CGNL1: variants seen among roughly 807,000 people sequenced by gnomAD.
CGNL1 encodes cingulin like 1, also known as cingulin-like protein 1.
A neutral mutation model predicts 141.2 loss-of-function variants in CGNL1; 132 were observed. The ratio of observed to expected loss-of-function variants is 0.93; its 90% CI spans 0.81 to 1.08. CGNL1 has a LOEUF of 1.08. Ranked by LOEUF, CGNL1 falls within the 50% of genes least tolerant of loss-of-function variation. The pLI, the probability that CGNL1 is intolerant of heterozygous loss-of-function variation, is 0.00. For synonymous variants in CGNL1, 690 were observed against 622.1 expected (o/e 1.11, Z -1.63); for missense variants, 1,870 against 1,588.6 (o/e 1.18, Z -3.01).
Position 57,438,593 on chromosome 15 carries a change from C to T in CGNL1, c.594C>T (p.Ser198=). The T allele has an allele frequency of 6.2e-7, 1 of 1,613,750 alleles. No homozygotes were observed. The highest frequency in any genetic ancestry group is 2.2e-5 in the East Asian group (1 of 44,890). The part of the protein sequence containing the change: ...PWTCFPKPSN[S]QPTSPSLEDP... ...CTTGCTTTCCCAAACCTAGCAATTC[C>T]CAGCCTACCAGTCCCTCCTTGGAAG... Residue 198 remains serine (S), a synonymous_variant, in exon 2 of 19, where the codon TCC becomes TCT. Transcript: ENST00000281282.
intron 14 of CGNL1, among the ~76,000 whole-genome samples, chr15:57,542,135 G>A (rs2032599460): frequency 6.6e-6 from 1 of 152,184 alleles, no homozygotes; most frequent in African/African-American, 2.4e-5. Flanking sequence ...CCCAGTTCTT[G>A]CTCTCCATGG....
intron 1 of CGNL1, among the ~76,000 whole-genome samples, chr15:57,434,340 G>A (rs1479038288): frequency 6.6e-6 from 1 of 151,880 alleles, no homozygotes; most frequent in Non-Finnish European, 1.5e-5. Context: ...TTAAAAAGCA[G>A]GAGAGAAAAG....
chr15:57,438,120 G>C lies in CGNL1; in HGVS notation c.121G>C (p.Gly41Arg), dbSNP rs751116729. 3 of 1,614,004 alleles carry C rather than the reference G, an allele frequency of 1.9e-6. No individual in the cohort carries two copies. The highest frequency in any genetic ancestry group is 1.7e-5 in the Admixed American group (1 of 59,998). Residue 41 changes from glycine (G) to arginine (R), a missense_variant, in exon 2 of 19, where the codon GGT (glycine) becomes CGT (arginine). Coordinates refer to ENST00000281282, the MANE Select transcript of CGNL1 (RefSeq NM_032866.5). The stretch of plus-strand genomic sequence containing the variant: ...CCAGAACTCCAAGGCAGGCTCCTAC[G>C]GTGTCAGTATTCGGGTCCAGGGAAT... The part of the protein sequence containing the change: ...SSQNSKAGSY[G>R]VSIRVQGIDG...
At chr15:57,447,943 A>C (rs1383167844) in intron 4 of CGNL1, among the ~76,000 whole-genome samples, 8 of 151,784 alleles carry the variant, frequency 5.3e-5, no homozygotes, top group African/African-American at 1.9e-4. Flanking sequence ...TTACTTTAAG[A>C]CTTTCTCTTT....
chr15:57,504,906 G>A (rs2064079948), intron 8 of CGNL1, among the ~76,000 whole-genome samples: 1 of 152,218 alleles, frequency 6.6e-6, no homozygotes, highest in Admixed American at 6.5e-5. Flanking sequence ...TGTTTGGTCA[G>A]CACCCCAAGA....
intron 7 of CGNL1, among the ~76,000 whole-genome samples, chr15:57,454,145 A>G (rs890631141): frequency 9.9e-5 from 15 of 152,198 alleles, no homozygotes; most frequent in Admixed American, 3.9e-4. Context: ...ATTGAGGGTC[A>G]GAAAAAGACA....
In CGNL1 at chr15:57,438,424, T is replaced by C. The variant is rs1231519231; in HGVS notation, c.425T>C (p.Leu142Pro). The C allele has an allele frequency of 6.2e-7, 1 of 1,614,184 alleles. No individual in the cohort carries two copies. The highest frequency in any genetic ancestry group is 1.7e-5 in the Admixed American group (1 of 60,022). The change falls in exon 2 of 19, where the codon CTG becomes CCG. Residue 142 changes from leucine to proline, a missense_variant. Coordinates refer to ENST00000281282, the MANE Select transcript of CGNL1 (RefSeq NM_032866.5). The stretch of plus-strand genomic sequence containing the variant: ...GACGGGTCTGTGAAGCCATCTCACC[T>C]GCTGAACTTTCAGAGGCATCCAGAG... ...RKDGSVKPSH[L>P]LNFQRHPELL...
At chr15:57,493,578 G>C (rs1384074801) in intron 8 of CGNL1, among the ~76,000 whole-genome samples, 4 of 152,190 alleles carry the variant, frequency 2.6e-5, no homozygotes, top group Admixed American at 1.3e-4. Flanking sequence ...CATGATATCT[G>C]CTGTTTCTTT....
chr15:57,419,134 GT>G (rs1776227912), intron 1 of CGNL1, among the ~76,000 whole-genome samples: 1 of 152,114 alleles, frequency 6.6e-6, no homozygotes, highest in South Asian at 2.1e-4. Context: ...GTTTCACCAT[GT>G]TGGTCAGGCT....
In CGNL1 at chr15:57,439,445, C is replaced by T. The variant is rs149602673; in HGVS notation, c.1446C>T (p.Ile482=). 13 of 1,614,066 alleles carry T rather than the reference C, an allele frequency of 8.1e-6. No homozygotes were observed. In the African/African-American group the frequency reaches 1.5e-4, roughly 18 times the overall value. ...ETEGSQESTV[I]RAPSLGAQSK... ...AAGGTAGTCAGGAAAGTACAGTGAT[C>T]CGTGCGCCCTCCCTTGGTGCACAGA... Residue 482 remains isoleucine, a synonymous_variant, in exon 2 of 19, where the codon ATC becomes ATT. Transcript: ENST00000281282.
chr15:57,398,621 A>G (rs186414545), intron 1 of CGNL1, among the ~76,000 whole-genome samples: 4 of 152,206 alleles, frequency 2.6e-5, no homozygotes, highest in Admixed American at 6.5e-5. Context: ...GTGTTGTTTG[A>G]AAAACCAGTC....
intron 7 of CGNL1, among the ~76,000 whole-genome samples, chr15:57,455,399 G>A (rs1203159773): frequency 1.3e-5 from 2 of 152,170 alleles, no homozygotes; most frequent in African/African-American, 2.4e-5. Context: ...TTCTAAAAGG[G>A]AAAGATGTTA....
At chr15:57,435,887 C>T (rs1440457823) in intron 1 of CGNL1, among the ~76,000 whole-genome samples, 2 of 152,060 alleles carry the variant, frequency 1.3e-5, no homozygotes, top group African/African-American at 2.4e-5. Flanking sequence ...AAACATTATC[C>T]GTATATTTGC....
Position 57,429,120 on chromosome 15 carries a change from T to C in CGNL1, c.-15-8865T>C, listed in dbSNP as rs141215956. On this transcript the variant is annotated intron_variant, in intron 1 of 18. Transcript: ENST00000281282. ...ACTTGCAAAAATATTCCCTTCCTCT[T>C]GGTAGCGTGGTCTAATGGTATTAAT... 6.9e-4 allele frequency among the ~76,000 whole-genome samples: 105 copies of C among 152,294 alleles called. 1 individual carries two copies. In the South Asian group the frequency reaches 8.3e-3, roughly 12 times the overall value.
chr15:57,391,023 T>C (rs2062537119), intron 1 of CGNL1, among the ~76,000 whole-genome samples: 1 of 152,174 alleles, frequency 6.6e-6, no homozygotes, highest in South Asian at 2.1e-4. Context: ...CCAATCTTCA[T>C]AAGGATCCTA....
chr15:57,440,331 C>G lies in CGNL1; in HGVS notation c.1603-46C>G, dbSNP rs16977503. 3.6e-3 allele frequency: 5,114 copies of G among 1,430,650 alleles called. 156 individuals carry two copies. In the African/African-American group the frequency reaches 0.064, roughly 18 times the overall value. The allele number at this position is 1,430,650 out of a possible 1,614,324, so 88.6% of individuals were successfully genotyped here. On this transcript the variant is annotated intron_variant, in intron 2 of 18. Transcript: ENST00000281282. Reference sequence around the variant, plus strand: ...GGAATTGTTTGGTGTTTGGAAGCCTCTGGGAACTTCATCCTCATGGTCTAA... The same window carrying G: ...GGAATTGTTTGGTGTTTGGAAGCCTGTGGGAACTTCATCCTCATGGTCTAA...
At chr15:57,383,930 T>C (rs907477) in intron 1 of CGNL1, among the ~76,000 whole-genome samples, 6,904 of 152,228 alleles carry the variant, frequency 0.045, 215 homozygotes, top group East Asian at 0.076. Flanking sequence ...TGAGCCACCG[T>C]GCCCAGCCCA....
chr15:57,539,560 A>G (rs2032449267), intron 14 of CGNL1, among the ~76,000 whole-genome samples: 1 of 152,144 alleles, frequency 6.6e-6, no homozygotes, highest in Non-Finnish European at 1.5e-5. Context: ...TGGATTCCAG[A>G]GGAGAAGTGT....
intron 12 of CGNL1, chr15:57,527,444 T>G (rs2031682049): frequency 6.6e-6 from 1 of 152,254 alleles, no homozygotes; most frequent in Admixed American, 6.5e-5. Flanking sequence ...TGTATTATTC[T>G]ATTCATGAGA....
Sources: gnomAD v4.1 joint callset for allele counts (sites outside exome capture counted in the v4.1 genomes callset) on GRCh38, gnomAD v4.1.1 for gene constraint, MANE v1.5 for transcripts, NCBI Gene and HGNC (gene_info 2026-07-23, HGNC 2026-07-21) for gene names.